SDSL: variants seen among roughly 807,000 people sequenced by gnomAD.
SDSL encodes serine dehydratase like.
SDSL carries 26 observed loss-of-function variants against 27.6 expected under a neutral mutation model. The observed-to-expected ratio is 0.94, with a 90% confidence interval of 0.69 to 1.31. The LOEUF (loss-of-function observed/expected upper bound fraction) is 1.31, where lower values mean the gene tolerates loss of function less well. Among genes scored for constraint, SDSL ranks in the 50% most tolerant of loss-of-function variants. SDSL has a pLI of 0.00. For synonymous variants in SDSL, 196 were observed against 180.6 expected (o/e 1.09, Z -0.69); for missense variants, 431 against 423.5 (o/e 1.02, Z -0.16).
chr12:113,432,258 TTCTTTCTTTCTTTCTTTC>T (rs1304424100), intron 4 of SDSL, among the ~76,000 whole-genome samples: 1 of 141,030 alleles, frequency 7.1e-6, no homozygotes, highest in African/African-American at 2.7e-5. Flanking sequence ...CTTTCTTTCT[TTCTTTCTTTCTTTCTTTC>T]TTTCTTTCTT....
At chr12:113,429,757 A>C (rs914804008) in intron 4 of SDSL, among the ~76,000 whole-genome samples, 2 of 152,174 alleles carry the variant, frequency 1.3e-5, no homozygotes, top group African/African-American at 4.8e-5. Flanking sequence ...CAGATACAAA[A>C]TCTGTCTTTC....
At chr12:113,428,264 G>A (rs932791710) in intron 2 of SDSL, 108 bp downstream of exon 2, 6 of 1,319,814 alleles carry the variant, frequency 4.5e-6, no homozygotes, top group East Asian at 5.0e-5. Flanking sequence ...ACATGAACTC[G>A]TGCAGATGGG....
At chr12:113,436,494 G>A (rs538658469) in intron 6 of SDSL, among the ~76,000 whole-genome samples, 1 of 152,260 alleles carries the variant, frequency 6.6e-6, no homozygotes, top group South Asian at 2.1e-4. Flanking sequence ...CACCATGTTG[G>A]TCAGGCTGGT....
intron 6 of SDSL, 44 bp downstream of exon 6, chr12:113,435,600 G>T: frequency 6.5e-7 from 1 of 1,536,068 alleles, no homozygotes. Flanking sequence ...GAGGGTGGGT[G>T]TGCCACTGTC....
intron 4 of SDSL, among the ~76,000 whole-genome samples, chr12:113,432,695 C>T (rs1030954693): frequency 2.6e-5 from 4 of 152,144 alleles, no homozygotes; most frequent in Non-Finnish European, 5.9e-5. Flanking sequence ...TTGGAGTCCC[C>T]AGTGTCTCTC....
chr12:113,431,511 A>T (rs889125891), intron 4 of SDSL, among the ~76,000 whole-genome samples: 10 of 151,576 alleles, frequency 6.6e-5, no homozygotes, highest in African/African-American at 2.4e-4. Flanking sequence ...ATATTTCATG[A>T]TGGAGAGGTT....
intron 3 of SDSL, 67 bp from the exon 4 acceptor site, chr12:113,429,093 G>A (rs1277523348): frequency 1.3e-6 from 2 of 1,552,560 alleles, no homozygotes; most frequent in Non-Finnish European, 1.8e-6. Context: ...GGATATGGAG[G>A]GGGAGGGGAA....
intron 5 of SDSL, among the ~76,000 whole-genome samples, chr12:113,435,055 T>C (rs71467913): frequency 0.099 from 15,039 of 152,120 alleles, 1,315 homozygotes; most frequent in African/African-American, 0.23. Context: ...GTGGAGGTTG[T>C]AGTGAACTGA....
In SDSL at chr12:113,433,047, G is replaced by T. The variant is rs1354827693; in HGVS notation, c.355-1087G>T. Among the ~76,000 whole-genome samples the T allele has an allele frequency of 2.0e-5, 3 of 152,186 alleles. No homozygotes were observed. The East Asian group carries it at 5.8e-4, about 29-fold the overall frequency. On this transcript the variant is annotated intron_variant, in intron 4 of 7. Coordinates refer to ENST00000403593, the MANE Select transcript of SDSL (RefSeq NM_001304993.2). ...GTAGATACTCAGTAATGGGATTGCT[G>T]GGTCAAATGGTAATTCTATTTTTAG...
chr12:113,428,949 C>T (rs1292695810), intron 3 of SDSL, among the ~76,000 whole-genome samples: 2 of 151,260 alleles, frequency 1.3e-5, no homozygotes, highest in Non-Finnish European at 2.9e-5. Context: ...GCTTGGGTGG[C>T]GTCTTCATCC....
intron 1 of SDSL, among the ~76,000 whole-genome samples, chr12:113,423,655 T>C (rs116033750): frequency 0.018 from 2,705 of 152,240 alleles, 72 homozygotes; most frequent in African/African-American, 0.06. Context: ...GGTGGGAGGA[T>C]TGCTTGAGCC....
At chr12:113,429,015 T>A in intron 3 of SDSL, 145 bp from the exon 4 acceptor site, 2 of 924,178 alleles carry the variant, frequency 2.2e-6, no homozygotes, top group Non-Finnish European at 3.2e-6. Flanking sequence ...CTAAATTATG[T>A]GTCCCCCTCT....
chr12:113,431,170 A>G (rs1957916941), intron 4 of SDSL, among the ~76,000 whole-genome samples: 1 of 152,240 alleles, frequency 6.6e-6, no homozygotes, highest in Non-Finnish European at 1.5e-5. Context: ...AGCACGGTGC[A>G]TTCAGGCTGA....
At chr12:113,437,003 A>C in intron 7 of SDSL, 128 bp downstream of exon 7, 1 of 933,646 alleles carries the variant, frequency 1.1e-6, no homozygotes, top group East Asian at 3.2e-5. Flanking sequence ...GTTACTGTGC[A>C]CTAAGTGCAC....
intron 1 of SDSL, chr12:113,422,807 G>C (rs1471660396): frequency 1.3e-5 from 2 of 152,374 alleles, no homozygotes; most frequent in African/African-American, 4.8e-5. Flanking sequence ...GTGCCACCAA[G>C]GTGGCCTCTG....
chr12:113,435,058 T>C (rs1957971397), intron 5 of SDSL, among the ~76,000 whole-genome samples: 1 of 152,152 alleles, frequency 6.6e-6, no homozygotes, highest in Admixed American at 6.5e-5. Context: ...GAGGTTGTAG[T>C]GAACTGAGAT....
At chr12:113,429,895 T>C (rs1957898929) in intron 4 of SDSL, among the ~76,000 whole-genome samples, 2 of 152,082 alleles carry the variant, frequency 1.3e-5, no homozygotes, top group South Asian at 4.1e-4. Context: ...ATATAGTTTC[T>C]TCCCTTTCTT....
rs1405718064 is a variant in SDSL at position 113,438,119 on chromosome 12, T to A, written c.*40T>A. The A allele has an allele frequency of 2.6e-6, 4 of 1,531,052 alleles. No homozygotes were observed. The highest frequency in any genetic ancestry group is 1.8e-5 in the Admixed American group (1 of 55,188). The allele number at this position is 1,531,052 out of a possible 1,614,324, so 94.8% of individuals were successfully genotyped here. ...GCCCCAAAGACCCCTGAGAGGCCCA[T>A]GGACAGTCCTGTGTCTGGATGAGGA... On this transcript the variant is annotated 3_prime_UTR_variant, in exon 8 of 8. Coordinates refer to ENST00000403593, the MANE Select transcript of SDSL (RefSeq NM_001304993.2).
chr12:113,429,379 C>G, intron 4 of SDSL, 80 bp downstream of exon 4: 1 of 1,456,348 alleles, frequency 6.9e-7, no homozygotes, highest in East Asian at 2.3e-5. Flanking sequence ...CATCCTGTCT[C>G]CTTTTCCTTT....
Sources: allele counts gnomAD v4.1 joint callset (sites outside exome capture counted in the v4.1 genomes callset), GRCh38; gene constraint gnomAD v4.1.1; transcripts MANE v1.5; gene names NCBI Gene and HGNC (gene_info 2026-07-23, HGNC 2026-07-21).